CCNB3: variants seen among roughly 807,000 people sequenced by gnomAD.
CCNB3 encodes cyclin B3.
CCNB3 carries 12 observed loss-of-function variants against 68.0 expected under a neutral mutation model. That is an observed-to-expected ratio of 0.18 (90% CI 0.11 to 0.29). The LOEUF is 0.29. Ranked by LOEUF, CCNB3 falls within the 10% of genes least tolerant of loss-of-function variation. The pLI is 1.00. For missense variants in CCNB3, 904 were observed against 993.1 expected (o/e 0.91, Z 1.21); for synonymous variants, 354 against 388.9 (o/e 0.91, Z 1.06).
chrX:50,310,465 T>C lies in CCNB3; in HGVS notation c.2296T>C (p.Leu766=). 1.7e-6 allele frequency: 2 copies of C among 1,210,061 alleles called. No homozygotes were observed. Among genetic ancestry groups the C allele is most frequent in the Non-Finnish European group, 2.2e-6 (2 of 894,519 alleles). ...HGKVFFLKKQ[L]ALNETINEEE... ...AAAAGTGTTCTTCCTGAAGAAGCAG[T>C]TGGCTTTGAATGAGACCATCAATGA... The change falls in exon 6 of 13, where the codon TTG becomes CTG. Residue 766 remains leucine (L), a synonymous_variant. Transcript: ENST00000376042.
At chrX:50,281,334 A>C (rs1400862872) in intron 1 of CCNB3, among the ~76,000 whole-genome samples, 1 of 110,404 alleles carries the variant, frequency 9.1e-6, no homozygotes, top group Non-Finnish European at 1.9e-5. Context: ...TGTCAGGTTG[A>C]GACGGACTCG....
intron 5 of CCNB3, among the ~76,000 whole-genome samples, chrX:50,303,426 G>A (rs987557258): frequency 9.2e-6 from 1 of 109,133 alleles, no homozygotes; most frequent in Non-Finnish European, 1.9e-5. Context: ...GATTACAGGA[G>A]TGAGCCACCA....
Position 50,351,186 on chromosome X carries a change from G to A in CCNB3, c.3961-55G>A, listed in dbSNP as rs1218688471. On this transcript the variant is annotated intron_variant, in intron 11 of 12. Transcript: ENST00000376042. ...AGCTTAGACTTGGGATAGCAGAGAT[G>A]GAGGAACGGTGTGCTTCCTATAGTA... The A allele has an allele frequency of 2.5e-6, 3 of 1,187,130 alleles. No homozygotes were observed. The African/African-American group carries it at 5.3e-5, about 21-fold the overall frequency.
At chrX:50,335,700 T>G (rs1922816664) in intron 8 of CCNB3, among the ~76,000 whole-genome samples, 1 of 111,694 alleles carries the variant, frequency 9.0e-6, no homozygotes, top group Non-Finnish European at 1.9e-5. Flanking sequence ...GAGCTGGTTT[T>G]ATCTCTTGGC....
At chrX:50,302,914 A>G (rs1936681599) in intron 5 of CCNB3, among the ~76,000 whole-genome samples, 2 of 111,680 alleles carry the variant, frequency 1.8e-5, no homozygotes, top group African/African-American at 6.5e-5. Context: ...TAGTGCTGCT[A>G]TTGAATATTT....
intron 5 of CCNB3, among the ~76,000 whole-genome samples, chrX:50,299,123 T>G (rs1936559830): frequency 8.9e-6 from 1 of 111,886 alleles, no homozygotes; most frequent in East Asian, 2.8e-4. Flanking sequence ...TTTTTGTGTC[T>G]CTATTGCCTT....
chrX:50,226,608 TATAA>T (rs1268203678), intron 1 of CCNB3, among the ~76,000 whole-genome samples: 20 of 52,484 alleles, frequency 3.8e-4, no homozygotes, highest in Non-Finnish European at 6.9e-4. Context: ...AGAATATATC[TATAA>T]ATATATATAT....
In CCNB3 at chrX:50,309,172, G is replaced by C. The variant is rs1557214087; in HGVS notation, c.1003G>C (p.Glu335Gln). 1 of 1,210,899 alleles carries C rather than the reference G, an allele frequency of 8.3e-7. No homozygotes were observed. Among genetic ancestry groups the C allele is most frequent in the Admixed American group, 2.2e-5 (1 of 46,004 alleles). The change falls in exon 6 of 13, where the codon GAG becomes CAG. Residue 335 changes from glutamate (E) to glutamine (Q), a missense_variant. Glu to Gln is a conservative substitution (Grantham distance 29). Coordinates refer to ENST00000376042, the MANE Select transcript of CCNB3 (RefSeq NM_033031.3). ...TTTCCAAGAGCTATCTGTATTGCAA[G>C]AGAAACACACCACTGAGCATGAGAT... ...TLFQELSVLQ[E>Q]KHTTEHEMSI...
At chrX:50,332,922 GC>G (rs1370835770) in intron 8 of CCNB3, among the ~76,000 whole-genome samples, 3 of 111,484 alleles carry the variant, frequency 2.7e-5, no homozygotes, top group Admixed American at 9.5e-5. Flanking sequence ...GTGCCTGGAA[GC>G]CCCCCCGTAG....
chrX:50,304,723 G>A (rs1438059340), intron 5 of CCNB3, among the ~76,000 whole-genome samples: 1 of 111,478 alleles, frequency 9.0e-6, no homozygotes, highest in African/African-American at 3.3e-5. Flanking sequence ...AGGCAACCTA[G>A]AGAATGGGAG....
At chrX:50,319,191 A>G in intron 8 of CCNB3, among the ~76,000 whole-genome samples, 1 of 111,063 alleles carries the variant, frequency 9.0e-6, no homozygotes, top group Non-Finnish European at 1.9e-5. Context: ...ATTGTGCTTG[A>G]GGTGGTCTTA....
intron 5 of CCNB3, among the ~76,000 whole-genome samples, chrX:50,303,225 A>C (rs1349991374): frequency 9.0e-6 from 1 of 111,522 alleles, no homozygotes; most frequent in South Asian, 3.9e-4. Context: ...GGCTCACTGC[A>C]AACTCTGCCT....
chrX:50,308,196 C>G (rs1921183131), intron 5 of CCNB3, among the ~76,000 whole-genome samples: 1 of 112,214 alleles, frequency 8.9e-6, no homozygotes, highest in Non-Finnish European at 1.9e-5. Context: ...GAACAAGTAA[C>G]TCATACAATG....
chrX:50,208,754 C>G (rs193114734), intron 1 of CCNB3, among the ~76,000 whole-genome samples: 1 of 111,679 alleles, frequency 9.0e-6, no homozygotes, highest in African/African-American at 3.3e-5. Context: ...TAAAAGTGTT[C>G]TCATATAATA....
intron 11 of CCNB3, among the ~76,000 whole-genome samples, chrX:50,349,911 T>C (rs782322960): frequency 9.0e-5 from 10 of 111,723 alleles, no homozygotes; most frequent in Admixed American, 4.7e-4. Context: ...CCTCTTCCTT[T>C]CTCTGTCTGT....
rs1921450238 is a variant in CCNB3 at position 50,311,472 on chromosome X, A to G, written c.3303A>G (p.Pro1101=). 1 of 1,206,598 alleles carries G rather than the reference A, an allele frequency of 8.3e-7. No individual in the cohort carries two copies. The highest frequency in any genetic ancestry group is 1.1e-6 in the Non-Finnish European group (1 of 892,151). Residue 1101 remains proline (P), a synonymous_variant, in exon 6 of 13, where the codon CCA becomes CCG. Coordinates refer to ENST00000376042, the MANE Select transcript of CCNB3 (RefSeq NM_033031.3). ...CESASDKPVS[P]QAKGTPKEIT... The stretch of plus-strand genomic sequence containing the variant: ...CTGCTTCTGATAAACCTGTCTCACC[A>G]CAGGCCAAGGGAACACCAAAGGAGG...
Position 50,288,849 on chromosome X carries a change from G to C in CCNB3, c.166G>C (p.Ala56Pro). 4 of 1,204,779 alleles carry C rather than the reference G, an allele frequency of 3.3e-6. No homozygotes were observed. Among genetic ancestry groups the C allele is most frequent in the Non-Finnish European group, 4.5e-6 (4 of 890,118 alleles). ...LQESPSSLQG[A>P]LKKRSAFEDL... ...GGAGTCTCCATCTTCACTTCAGGGA[G>C]CACTCAAAAAGAGATCAGCTTTTGA... is the stretch of plus-strand genomic sequence containing the variant. The change falls in exon 4 of 13, where the codon GCA (alanine) becomes CCA (proline). Residue 56 changes from alanine to proline, a missense_variant. Transcript: ENST00000376042.
chrX:50,332,254 A>T (rs782112272), intron 8 of CCNB3, among the ~76,000 whole-genome samples: 3 of 111,301 alleles, frequency 2.7e-5, no homozygotes, highest in Non-Finnish European at 5.7e-5. Flanking sequence ...AAAACTGTGG[A>T]CATGGGAGGC....
chrX:50,325,630 G>A (rs1922258486), intron 8 of CCNB3, among the ~76,000 whole-genome samples: 1 of 112,174 alleles, frequency 8.9e-6, no homozygotes, highest in Admixed American at 9.4e-5. Context: ...AGACCTCTGA[G>A]CACCTATGTG....
Sources: allele counts gnomAD v4.1 joint callset (sites outside exome capture counted in the v4.1 genomes callset), GRCh38; gene constraint gnomAD v4.1.1; transcripts MANE v1.5; gene names NCBI Gene and HGNC (gene_info 2026-07-23, HGNC 2026-07-21).